RBFOX1: variants seen among roughly 807,000 people sequenced by gnomAD.
RBFOX1 encodes the protein RNA binding fox-1 homolog 1, also known as RNA binding protein fox-1 homolog 1.
In RBFOX1, 8 loss-of-function variants were observed where a neutral mutation model predicts 57.7. That is an observed-to-expected ratio of 0.14 (90% CI 0.08 to 0.25). The LOEUF is 0.25. RBFOX1 is among the 10% of genes least tolerant of loss of function. The pLI is 1.00. For synonymous variants in RBFOX1, 326 were observed against 222.4 expected, an observed-to-expected ratio of 1.47 and a Z score of -4.15; for missense variants, 611 against 548.5, an observed-to-expected ratio of 1.11 and a Z score of -1.14.
intron 3 of RBFOX1, among the ~76,000 whole-genome samples, chr16:6,923,326 G>C (rs185265219): frequency 6.6e-6 from 1 of 152,228 alleles, no homozygotes; most frequent in African/African-American, 2.4e-5. Context: ...GTGAGGTCAG[G>C]AGTTCAAGAC....
intron 1 of RBFOX1, among the ~76,000 whole-genome samples, chr16:6,225,700 C>T (rs540528999): frequency 1.3e-5 from 2 of 152,188 alleles, no homozygotes; most frequent in African/African-American, 2.4e-5. Flanking sequence ...TGCTCACACT[C>T]TTTTGTCTTG....
chr16:5,891,272 G>C (rs978620578), intron 4 of RBFOX1, among the ~76,000 whole-genome samples: 3 of 152,144 alleles, frequency 2.0e-5, no homozygotes, highest in Non-Finnish European at 2.9e-5. Context: ...GGCACGGGAG[G>C]AGCTGTCGGA....
At chr16:7,279,782 C>T (rs1017535715) in intron 4 of RBFOX1, among the ~76,000 whole-genome samples, 1 of 152,200 alleles carries the variant, frequency 6.6e-6, no homozygotes, top group East Asian at 1.9e-4. Flanking sequence ...GTTCCTCTTT[C>T]TCTTATGTGA....
intron 3 of RBFOX1, among the ~76,000 whole-genome samples, chr16:5,664,082 C>A (rs924487184): frequency 6.6e-6 from 1 of 152,214 alleles, no homozygotes; most frequent in Non-Finnish European, 1.5e-5. Context: ...CCACCCTTCT[C>A]GGCAGCTGCC....
chr16:5,700,850 C>T (rs1480716765), intron 3 of RBFOX1, among the ~76,000 whole-genome samples: 2 of 152,300 alleles, frequency 1.3e-5, no homozygotes, highest in East Asian at 3.9e-4. Flanking sequence ...GTGAACCAGT[C>T]ATAGGCTGGC....
intron 4 of RBFOX1, among the ~76,000 whole-genome samples, chr16:7,325,276 A>C (rs1213803777): frequency 6.6e-6 from 1 of 152,176 alleles, no homozygotes; most frequent in African/African-American, 2.4e-5. Flanking sequence ...TGATATTCTT[A>C]TTTCGCAGAT....
At chr16:6,257,528 A>C (rs920183073) in intron 1 of RBFOX1, among the ~76,000 whole-genome samples, 4 of 152,026 alleles carry the variant, frequency 2.6e-5, no homozygotes, top group African/African-American at 9.7e-5. Context: ...GCCCAGGTTT[A>C]AACTTACTAC....
chr16:5,259,310 G>A (rs2062670144), intron 1 of RBFOX1, among the ~76,000 whole-genome samples: 1 of 152,084 alleles, frequency 6.6e-6, no homozygotes, highest in East Asian at 1.9e-4. Context: ...CAGACAGTTT[G>A]ATGATTAGGG....
intron 4 of RBFOX1, among the ~76,000 whole-genome samples, chr16:7,374,328 T>G (rs1009011964): frequency 1.3e-5 from 2 of 152,222 alleles, no homozygotes; most frequent in Admixed American, 1.3e-4. Flanking sequence ...TTTGGCACAA[T>G]ACAGATAAAC....
chr16:6,842,780 C>T (rs56760931), intron 3 of RBFOX1, among the ~76,000 whole-genome samples: 11 of 151,924 alleles, frequency 7.2e-5, no homozygotes, highest in South Asian at 4.2e-4. Flanking sequence ...GTTTTAAGCC[C>T]GGCATGCATT....
chr16:6,495,102 G>A lies in RBFOX1; in HGVS notation c.-63-159501G>A, dbSNP rs572735886. On this transcript the variant is annotated intron_variant, in intron 2 of 15. Coordinates refer to ENST00000550418, the MANE Select transcript of RBFOX1 (RefSeq NM_018723.4). Reference sequence around the variant, plus strand: ...ATTTTAACCACTAATCAATGTCCCCGCTTTCTTTTGTTTGTTTATTTATTT... The same window carrying A: ...ATTTTAACCACTAATCAATGTCCCCACTTTCTTTTGTTTGTTTATTTATTT... 2.8e-4 allele frequency among the ~76,000 whole-genome samples: 43 copies of A among 152,138 alleles called. No homozygotes were observed. In the South Asian group the frequency reaches 8.7e-3, roughly 31 times the overall value.
intron 1 of RBFOX1, chr16:5,240,238 C>A: frequency 1.5e-6 from 1 of 677,178 alleles, no homozygotes. Flanking sequence ...CTCCGGCGGG[C>A]GCGGAGTGAC....
chr16:6,191,829 T>C lies in RBFOX1; in HGVS notation c.-126-125166T>C, dbSNP rs547126462. Among the ~76,000 whole-genome samples the C allele has an allele frequency of 2.0e-5, 3 of 152,288 alleles. No homozygotes were observed. The South Asian group carries it at 6.2e-4, about 32-fold the overall frequency. On this transcript the variant is annotated intron_variant, in intron 1 of 15. Transcript: ENST00000550418. ...GGAATGCAGGTATCGAGACTTGATT[T>C]TCAGAATTTTGCACTAGATTTCCTA...
chr16:7,468,164 A>G (rs183161944), intron 4 of RBFOX1, among the ~76,000 whole-genome samples: 1 of 152,272 alleles, frequency 6.6e-6, no homozygotes, highest in East Asian at 1.9e-4. Context: ...TCTCCACAGT[A>G]AAGTTGCTTG....
chr16:5,880,988 T>A (rs908810934), intron 4 of RBFOX1, among the ~76,000 whole-genome samples: 1 of 152,242 alleles, frequency 6.6e-6, no homozygotes, highest in Non-Finnish European at 1.5e-5. Context: ...GACTAAAATA[T>A]CTGTGATTTC....
chr16:6,611,337 G>A (rs1415920225), intron 2 of RBFOX1, among the ~76,000 whole-genome samples: 2 of 152,124 alleles, frequency 1.3e-5, no homozygotes, highest in East Asian at 3.9e-4. Context: ...AGTAGAGACA[G>A]GGTTTTGCCA....
chr16:6,563,358 G>T (rs2153926800), intron 2 of RBFOX1, among the ~76,000 whole-genome samples: 1 of 152,264 alleles, frequency 6.6e-6, no homozygotes, highest in Non-Finnish European at 1.5e-5. Flanking sequence ...TATTTCATAG[G>T]AATCCATTTA....
chr16:5,545,392 T>G (rs1298962064), intron 2 of RBFOX1, among the ~76,000 whole-genome samples: 1 of 152,166 alleles, frequency 6.6e-6, no homozygotes, highest in African/African-American at 2.4e-5. Flanking sequence ...TAGCAAAACC[T>G]GACAGAGAAA....
intron 3 of RBFOX1, among the ~76,000 whole-genome samples, chr16:5,824,847 C>T (rs11640572): frequency 0.5 from 76,509 of 151,892 alleles, 19,326 homozygotes; most frequent in East Asian, 0.62. Flanking sequence ...CCCTGGTTCC[C>T]GAGGTGGGCT....
Sources: gnomAD v4.1 joint callset for allele counts (sites outside exome capture counted in the v4.1 genomes callset) on GRCh38, gnomAD v4.1.1 for gene constraint, MANE v1.5 for transcripts, NCBI Gene and HGNC (gene_info 2026-07-23, HGNC 2026-07-21) for gene names.